Variants in DPY19L2 observed in about 807,000 individuals in gnomAD.
The protein encoded by DPY19L2 is dpy-19 like 2, also known as probable C-mannosyltransferase DPY19L2.
Under a neutral mutation model 97.9 loss-of-function variants are expected in DPY19L2, and 34 were observed. The observed-to-expected ratio is 0.35, with a 90% CI of 0.26 to 0.46. The LOEUF (loss-of-function observed/expected upper bound fraction) is 0.46. Ranked by LOEUF, DPY19L2 falls within the 20% of genes least tolerant of loss-of-function variation. The pLI is 1.00. For synonymous variants in DPY19L2, 230 were observed against 307.9 expected (o/e 0.75, Z 2.65); for missense variants, 623 against 911.4 (o/e 0.68, Z 4.07).
At chr12:63,662,013 G>A (rs1227450463) in intron 3 of DPY19L2, among the ~76,000 whole-genome samples, 3 of 152,136 alleles carry the variant, frequency 2.0e-5, no homozygotes, top group East Asian at 1.9e-4. Flanking sequence ...CAAAGTGAAA[G>A]CTCAGTGTCA....
At chr12:63,622,753 C>T (rs183446619) in intron 8 of DPY19L2, among the ~76,000 whole-genome samples, 1 of 152,170 alleles carries the variant, frequency 6.6e-6, no homozygotes, top group African/African-American at 2.4e-5. Context: ...TGGTAAAACC[C>T]TGCCTCTACT....
At chr12:63,650,747 T>C (rs1894092884) in intron 4 of DPY19L2, among the ~76,000 whole-genome samples, 1 of 152,146 alleles carries the variant, frequency 6.6e-6, no homozygotes, top group Non-Finnish European at 1.5e-5. Context: ...TTCAATATTG[T>C]TAAAATCACC....
intron 6 of DPY19L2, among the ~76,000 whole-genome samples, chr12:63,639,360 A>G (rs1892300346): frequency 6.6e-6 from 1 of 152,214 alleles, no homozygotes; most frequent in Admixed American, 6.5e-5. Flanking sequence ...GGATCTAATT[A>G]AACTACACAG....
chr12:63,598,286 T>C (rs927850422), intron 13 of DPY19L2, among the ~76,000 whole-genome samples: 11 of 152,308 alleles, frequency 7.2e-5, no homozygotes, highest in African/African-American at 2.6e-4. Context: ...TCAACATACA[T>C]TGTAGGTCAT....
intron 8 of DPY19L2, among the ~76,000 whole-genome samples, chr12:63,622,563 G>T (rs1592606398): frequency 6.6e-6 from 1 of 152,238 alleles, no homozygotes; most frequent in Admixed American, 6.5e-5. Flanking sequence ...TATTTGCATG[G>T]ACGTGTGCAG....
intron 21 of DPY19L2, among the ~76,000 whole-genome samples, chr12:63,560,896 C>T (rs1336408967): frequency 6.6e-6 from 1 of 152,146 alleles, no homozygotes; most frequent in Non-Finnish European, 1.5e-5. Context: ...AATAATAAAG[C>T]TTCAATATAC....
intron 19 of DPY19L2, among the ~76,000 whole-genome samples, chr12:63,571,881 T>C (rs1878925998): frequency 6.6e-6 from 1 of 152,154 alleles, no homozygotes; most frequent in African/African-American, 2.4e-5. Flanking sequence ...GTTACTATCA[T>C]TTTTCATCAG....
At chr12:63,594,378 G>A (rs1042726954) in intron 15 of DPY19L2, among the ~76,000 whole-genome samples, 7 of 151,898 alleles carry the variant, frequency 4.6e-5, no homozygotes, top group Non-Finnish European at 1.0e-4. Context: ...AGCCACAATA[G>A]GACAAATAAA....
At chr12:63,633,774 T>A (rs759632003) in intron 6 of DPY19L2, among the ~76,000 whole-genome samples, 2 of 152,186 alleles carry the variant, frequency 1.3e-5, no homozygotes, top group African/African-American at 4.8e-5. Context: ...CGTATGTTTA[T>A]TGTGGCACTA....
intron 21 of DPY19L2, among the ~76,000 whole-genome samples, chr12:63,567,361 G>A (rs1293418746): frequency 6.6e-6 from 1 of 151,804 alleles, no homozygotes; most frequent in African/African-American, 2.4e-5. Context: ...TATTTTTTGA[G>A]TGGTTTTGAT....
At chr12:63,585,489 A>G (rs1775324019) in intron 16 of DPY19L2, among the ~76,000 whole-genome samples, 1 of 152,006 alleles carries the variant, frequency 6.6e-6, no homozygotes, top group Non-Finnish European at 1.5e-5. Flanking sequence ...AATAGTAGAG[A>G]CCAAATTATT....
intron 12 of DPY19L2, among the ~76,000 whole-genome samples, chr12:63,604,372 T>G (rs1885693169): frequency 6.6e-6 from 1 of 152,220 alleles, no homozygotes; most frequent in Non-Finnish European, 1.5e-5. Context: ...CAGGTACAGA[T>G]TCTGCAGGTG....
At chr12:63,583,988 A>C (rs888371680) in intron 16 of DPY19L2, 152 bp from the exon 17 acceptor site, 1 of 580,926 alleles carries the variant, frequency 1.7e-6, no homozygotes, top group Non-Finnish European at 3.0e-6. Context: ...ATATCAGATA[A>C]TAGTACAAAA....
At chr12:63,646,952 C>CA (rs965326434) in intron 5 of DPY19L2, among the ~76,000 whole-genome samples, 3 of 151,966 alleles carry the variant, frequency 2.0e-5, no homozygotes, top group African/African-American at 7.3e-5. Context: ...GCAGCTACCC[C>CA]AAAAAACATC....
Position 63,651,823 on chromosome 12 carries a change from T to C in DPY19L2, c.589-4458A>G, listed in dbSNP as rs926569069. 3.5e-5 allele frequency: 11 copies of C among 315,318 alleles called. No individual in the cohort carries two copies. The Admixed American group carries it at 3.7e-4, about 11-fold the overall frequency. The allele number at this position is 315,318 out of a possible 1,614,324, so 19.5% of individuals were successfully genotyped here. On this transcript the variant is annotated intron_variant, in intron 4 of 21. Transcript: ENST00000324472. ...GGTGTCCTTGACCGCATGAAGAAAC[T>C]GGCTGTCAGCAGCGATGGGTAGTTA...
intron 12 of DPY19L2, among the ~76,000 whole-genome samples, chr12:63,602,921 C>A (rs1392648081): frequency 1.3e-5 from 2 of 152,158 alleles, no homozygotes; most frequent in Non-Finnish European, 2.9e-5. Flanking sequence ...AGAAACAAAG[C>A]AAATATAGTC....
rs1248233709 is a variant in DPY19L2, at chr12:63,592,317, GC to G, written c.1580+1769del. ...CAAGTTCATATGGAACCAAAAAAGA[GC>G]CCGCATCACCAAGTCAATCCTAAGC... On this transcript the variant is annotated intron_variant, in intron 16 of 21. Coordinates refer to ENST00000324472, the MANE Select transcript of DPY19L2 (RefSeq NM_173812.5). Among the ~76,000 whole-genome samples, 5 of 151,004 alleles carry G rather than the reference GC, an allele frequency of 3.3e-5. No individual in the cohort carries two copies. The East Asian group carries it at 9.7e-4, about 29-fold the overall frequency.
At chr12:63,579,538 T>C (rs1413941270) in intron 19 of DPY19L2, among the ~76,000 whole-genome samples, 1 of 152,160 alleles carries the variant, frequency 6.6e-6, no homozygotes, top group East Asian at 1.9e-4. Context: ...AGTTGCCAAA[T>C]GTAGGCTCTC....
intron 6 of DPY19L2, among the ~76,000 whole-genome samples, chr12:63,638,717 T>C (rs1311748008): frequency 1.3e-5 from 2 of 152,058 alleles, no homozygotes; most frequent in Non-Finnish European, 2.9e-5. Context: ...CACAAACAAA[T>C]GGAAAAGCAT....
Sources: gnomAD v4.1 joint callset for allele counts (sites outside exome capture counted in the v4.1 genomes callset) on GRCh38, gnomAD v4.1.1 for gene constraint, MANE v1.5 for transcripts, NCBI Gene and HGNC (gene_info 2026-07-23, HGNC 2026-07-21) for gene names.